RBFOX3: variants seen among roughly 807,000 people sequenced by gnomAD.
The protein encoded by RBFOX3 is RNA binding protein fox-1 homolog 3.
Under a neutral mutation model 48.7 loss-of-function variants are expected in RBFOX3, and 17 were observed. The observed-to-expected ratio is 0.35, with a 90% CI of 0.24 to 0.52. The LOEUF is 0.52. RBFOX3 is among the 20% of genes least tolerant of loss of function. RBFOX3 has a pLI of 0.94. For synonymous variants in RBFOX3, 212 were observed against 209.5 expected (o/e 1.01, Z -0.10); for missense variants, 382 against 497.5 (o/e 0.77, Z 2.21).
chr17:79,326,997 C>T (rs1038480134), intron 2 of RBFOX3, among the ~76,000 whole-genome samples: 3 of 152,210 alleles, frequency 2.0e-5, no homozygotes, highest in African/African-American at 4.8e-5. Context: ...CACCAGGAGC[C>T]GATCTGGAAC....
Position 79,535,795 on chromosome 17 carries a change from C to A in RBFOX3, c.-319-53197G>T, listed in dbSNP as rs538799078. Among the ~76,000 whole-genome samples the A allele has an allele frequency of 1.5e-3, 235 of 152,316 alleles. No individual in the cohort carries two copies. The highest frequency in any genetic ancestry group is 5.5e-3 in the African/African-American group (229 of 41,568). The stretch of plus-strand genomic sequence containing the variant: ...TGCTAGGGCCACCAGCTGCCACTTA[C>A]TCCAAGGAACAGGGTGGGAAGAGTC... On this transcript the variant is annotated intron_variant, in intron 1 of 14. Transcript: ENST00000693108. The surrounding 1 kb of genome is among the most constrained non-coding windows in gnomAD (Gnocchi z 4.5).
At chr17:79,104,935 C>T (rs555125117) in intron 6 of RBFOX3, among the ~76,000 whole-genome samples, 15 of 3,222 alleles carry the variant, frequency 4.7e-3, no homozygotes, top group East Asian at 0.013. Flanking sequence ...CTGTTCAGGT[C>T]GTTTGGGCCA....
chr17:79,588,923 A>C (rs1411348657), intron 1 of RBFOX3, among the ~76,000 whole-genome samples: 1 of 116,216 alleles, frequency 8.6e-6, no homozygotes, highest in African/African-American at 3.3e-5. Context: ...CCCGTCCTGC[A>C]CTTGGACCTG....
intron 2 of RBFOX3, among the ~76,000 whole-genome samples, chr17:79,456,719 T>G (rs1555745146): frequency 1.3e-5 from 2 of 152,106 alleles, no homozygotes; most frequent in African/African-American, 4.8e-5. Context: ...ACACTTGAAT[T>G]GATTCAAACC....
intron 2 of RBFOX3, among the ~76,000 whole-genome samples, chr17:79,330,965 C>T (rs745675598): frequency 5.3e-5 from 8 of 152,170 alleles, no homozygotes; most frequent in Admixed American, 6.5e-5. Context: ...TCATTTCACT[C>T]TATGTTGCTC....
At chr17:79,532,197 G>A (rs1253063811) in intron 1 of RBFOX3, among the ~76,000 whole-genome samples, 1 of 151,574 alleles carries the variant, frequency 6.6e-6, no homozygotes, top group Non-Finnish European at 1.5e-5. Context: ...TAACTGCACT[G>A]GAGGGGGGAG....
At chr17:79,384,179 C>T (rs1182219749) in intron 2 of RBFOX3, among the ~76,000 whole-genome samples, 11 of 152,156 alleles carry the variant, frequency 7.2e-5, no homozygotes, top group Non-Finnish European at 5.9e-5. Context: ...CTGGGGATGT[C>T]GGAAAACAAA....
chr17:79,148,008 G>A (rs375156181), intron 4 of RBFOX3, among the ~76,000 whole-genome samples: 272 of 151,830 alleles, frequency 1.8e-3, no homozygotes, highest in African/African-American at 6.2e-3. Context: ...CGCCGCTGCC[G>A]TGGGGCCCCG....
Position 79,423,400 on chromosome 17 carries a change from G to A in RBFOX3, c.-175+59054C>T, listed in dbSNP as rs2066787791. On this transcript the variant is annotated intron_variant, in intron 2 of 14. Coordinates refer to ENST00000693108, the MANE Select transcript of RBFOX3 (RefSeq NM_001350451.2). The surrounding 1 kb of genome is among the most constrained non-coding windows in gnomAD (Gnocchi z 4.9). Reference sequence around the variant, plus strand: ...AACCCTACCTCCAGTGTGGTCCGGCGCCACCACCTCTGCCGGACGTTTGCT... The same window carrying A: ...AACCCTACCTCCAGTGTGGTCCGGCACCACCACCTCTGCCGGACGTTTGCT... Among the ~76,000 whole-genome samples the A allele has an allele frequency of 6.6e-6, 1 of 152,074 alleles. No homozygotes were observed. The highest frequency in any genetic ancestry group is 2.4e-5 in the African/African-American group (1 of 41,382).
rs1247110868 is a variant in RBFOX3 at position 79,578,705 on chromosome 17, TAATAA to T, written c.-320+32116_-320+32120del. 9.5e-3 allele frequency among the ~76,000 whole-genome samples: 1,447 copies of T among 152,318 alleles called. 22 individuals are homozygous for T. The highest frequency in any genetic ancestry group is 0.033 in the African/African-American group (1,368 of 41,564). ...CCCTGACTTGGCTCTGAAAAAATAATAATAAAATAATAAACATTTAAAAGGAAGTG... is the reference window on the plus strand; with the variant it reads ...CCCTGACTTGGCTCTGAAAAAATAATAATAATAAACATTTAAAAGGAAGTG... On this transcript the variant is annotated intron_variant, in intron 1 of 14. Coordinates refer to ENST00000693108, the MANE Select transcript of RBFOX3 (RefSeq NM_001350451.2).
chr17:79,305,462 G>A (rs182027905), intron 3 of RBFOX3, among the ~76,000 whole-genome samples: 165 of 152,326 alleles, frequency 1.1e-3, no homozygotes, highest in African/African-American at 3.7e-3. Context: ...TGGTTTCAGA[G>A]CCACGTGTTT....
chr17:79,631,852 C>T, the RBFOX3 span, among the ~76,000 whole-genome samples: 1 of 152,310 alleles, frequency 6.6e-6, no homozygotes, highest in East Asian at 1.9e-4. Flanking sequence ...CTGTGGGGTC[C>T]CTGGAGTGTC....
chr17:79,645,039 A>T, the RBFOX3 span, among the ~76,000 whole-genome samples: 2 of 152,208 alleles, frequency 1.3e-5, no homozygotes, highest in Middle Eastern at 3.2e-3. Context: ...ATCTAGCAGT[A>T]AACTTGTGCT....
At chr17:79,096,318 G>A (rs144279117) in intron 12 of RBFOX3, among the ~76,000 whole-genome samples, 1 of 152,186 alleles carries the variant, frequency 6.6e-6, no homozygotes. Context: ...TGCCTTAGGG[G>A]CTCACTCACT....
At chr17:79,403,508 G>A (rs1197249931) in intron 2 of RBFOX3, among the ~76,000 whole-genome samples, 2 of 152,188 alleles carry the variant, frequency 1.3e-5, no homozygotes, top group African/African-American at 4.8e-5. Flanking sequence ...CCCCACCATG[G>A]ACTTCCACCC....
At chr17:79,506,937 G>A (rs1376225888) in intron 1 of RBFOX3, among the ~76,000 whole-genome samples, 1 of 152,224 alleles carries the variant, frequency 6.6e-6, no homozygotes, top group Non-Finnish European at 1.5e-5. Flanking sequence ...GGAGGCCTGC[G>A]CAGATGTGGC....
rs935356649 is a variant in RBFOX3, at chr17:79,362,400, C to T, written c.-174-54576G>A. Among the ~76,000 whole-genome samples the T allele has an allele frequency of 6.6e-6, 1 of 152,130 alleles. No individual in the cohort carries two copies. Among genetic ancestry groups the T allele is most frequent in the African/African-American group, 2.4e-5 (1 of 41,426 alleles). The stretch of plus-strand genomic sequence containing the variant: ...CAGCGTCTTTCAGAGCCAAACAGAG[C>T]CCCAGCTCTGAGGCATGGGGAGAGG... On this transcript the variant is annotated intron_variant, in intron 2 of 14. Transcript: ENST00000693108. This position sits in a 1 kb window ranked among gnomAD's most constrained non-coding sequence, Gnocchi z 4.2.
the RBFOX3 span, among the ~76,000 whole-genome samples, chr17:79,637,756 A>G: frequency 7.5e-4 from 39 of 52,044 alleles, no homozygotes; most frequent in African/African-American, 3.1e-3. Context: ...GGGAGAGGAG[A>G]GGAGGGGAGG....
the RBFOX3 span, among the ~76,000 whole-genome samples, chr17:79,650,500 C>T: frequency 2.0e-5 from 3 of 152,044 alleles, no homozygotes; most frequent in Admixed American, 6.5e-5. Flanking sequence ...GCAGCCACGC[C>T]GCTCTCCCAC....
Sources: gnomAD v4.1 joint callset for allele counts (sites outside exome capture counted in the v4.1 genomes callset) on GRCh38, gnomAD v4.1.1 for gene constraint, Gnocchi (gnomAD v3.1) non-coding constraint, MANE v1.5 for transcripts, NCBI Gene and HGNC (gene_info 2026-07-23, HGNC 2026-07-21) for gene names.